ENAH: variants seen among roughly 807,000 people sequenced by gnomAD.
The protein encoded by ENAH is protein enabled homolog.
A neutral mutation model predicts 78.7 loss-of-function variants in ENAH; 23 were observed. The observed-to-expected ratio is 0.29, with a 90% confidence interval of 0.21 to 0.41. The LOEUF is 0.41. Ranked by LOEUF, ENAH falls within the 10% of genes least tolerant of loss-of-function variation. The pLI, the probability that ENAH is intolerant of heterozygous loss-of-function variation, is 1.00. For missense variants in ENAH, 544 were observed against 691.0 expected, an observed-to-expected ratio of 0.79 and a Z score of 2.39; for synonymous variants, 226 against 241.0, an observed-to-expected ratio of 0.94 and a Z score of 0.58.
chr1:225,578,629 T>C (rs556556481), intron 1 of ENAH, among the ~76,000 whole-genome samples: 2 of 152,356 alleles, frequency 1.3e-5, no homozygotes, highest in South Asian at 4.1e-4. Context: ...AGCAATGCTC[T>C]TTCTTGTAAT....
At chr1:225,515,221 T>G (rs1166516363) in intron 6 of ENAH, 2 of 285,618 alleles carry the variant, frequency 7.0e-6, no homozygotes, top group Non-Finnish European at 1.3e-5. Context: ...GGAAGAGAGG[T>G]AAGCGTCCCT....
At position 225,641,758 on chromosome 1, in the gene ENAH, C is replaced by T. The variant is rs568120260; in HGVS notation, c.5+10928G>A. On this transcript the variant is annotated intron_variant, in intron 1 of 13. Coordinates refer to ENST00000366843, the MANE Select transcript of ENAH (RefSeq NM_018212.6). ...AAAAAAAGCTGGACGCCGTGGCTCA[C>T]ACCTGTAATCCCAGCACTTTGGGAG... 3.8e-3 allele frequency among the ~76,000 whole-genome samples: 573 copies of T among 151,674 alleles called. 2 individuals are homozygous for T. The highest frequency in any genetic ancestry group is 6.2e-3 in the Non-Finnish European group (418 of 67,904).
At chr1:225,584,507 A>G (rs1462558534) in intron 1 of ENAH, among the ~76,000 whole-genome samples, 1 of 152,234 alleles carries the variant, frequency 6.6e-6, no homozygotes, top group Non-Finnish European at 1.5e-5. Flanking sequence ...GACTGAAAAC[A>G]GAAGGGACAA....
chr1:225,627,786 T>C (rs1658219387), intron 1 of ENAH, among the ~76,000 whole-genome samples: 2 of 152,182 alleles, frequency 1.3e-5, no homozygotes, highest in African/African-American at 4.8e-5. Context: ...CTACTGAATG[T>C]AACTTTCAGA....
chr1:225,611,777 A>G (rs1008291869), intron 1 of ENAH, among the ~76,000 whole-genome samples: 1 of 152,210 alleles, frequency 6.6e-6, no homozygotes, highest in African/African-American at 2.4e-5. Context: ...ACAGAGTGAG[A>G]AAAAGATAAT....
At chr1:225,631,101 G>A (rs1227124778) in intron 1 of ENAH, among the ~76,000 whole-genome samples, 2 of 152,092 alleles carry the variant, frequency 1.3e-5, no homozygotes, top group African/African-American at 4.8e-5. Flanking sequence ...ACTTCTCTCA[G>A]ATTACAAAAT....
chr1:225,581,098 A>G (rs533812206), intron 1 of ENAH, among the ~76,000 whole-genome samples: 2 of 152,244 alleles, frequency 1.3e-5, no homozygotes, highest in East Asian at 3.9e-4. Flanking sequence ...TCACAGCATG[A>G]GAGTTCACAA....
intron 5 of ENAH, chr1:225,518,042 GA>G: frequency 1.4e-6 from 2 of 1,458,358 alleles, no homozygotes; most frequent in Admixed American, 2.3e-5. Flanking sequence ...AAAGGAGAGA[GA>G]AAAAGGGAGC....
rs916223991 is a variant in ENAH at position 225,490,307 on chromosome 1, T to G, written c.*7468A>C. On this transcript the variant is annotated 3_prime_UTR_variant, in exon 14 of 14. Coordinates refer to ENST00000366843, the MANE Select transcript of ENAH (RefSeq NM_018212.6). ...GACATTTTATGTGAGGATCAAATAT[T>G]CTCCCTTCAAAAACTTCTGCAATTG... 6.6e-6 allele frequency: 1 copy of G among 152,200 alleles called. No homozygotes were observed. Among genetic ancestry groups the G allele is most frequent in the African/African-American group, 2.4e-5 (1 of 41,440 alleles). 9.4% of individuals were successfully genotyped at this position (152,200 alleles called of 1,614,324 possible). A position where few individuals can be genotyped will look rare whatever the true frequency, so the allele number is the denominator to read the frequency against.
intron 1 of ENAH, among the ~76,000 whole-genome samples, chr1:225,596,497 C>G (rs972370740): frequency 7.2e-5 from 11 of 152,232 alleles, no homozygotes; most frequent in Middle Eastern, 3.4e-3. Context: ...CATAGTAAAA[C>G]TAAACAGCTT....
intron 4 of ENAH, among the ~76,000 whole-genome samples, chr1:225,522,357 G>C (rs1453359011): frequency 6.6e-6 from 1 of 152,056 alleles, no homozygotes; most frequent in Non-Finnish European, 1.5e-5. Context: ...ACCCTCTCCT[G>C]GACATACCAT....
intron 1 of ENAH, among the ~76,000 whole-genome samples, chr1:225,572,820 C>G (rs916056100): frequency 5.3e-5 from 8 of 152,172 alleles, no homozygotes; most frequent in African/African-American, 1.9e-4. Context: ...ACAAAAACTT[C>G]ATTTTTATGA....
chr1:225,545,501 C>T (rs2096608826), intron 3 of ENAH, among the ~76,000 whole-genome samples: 1 of 152,022 alleles, frequency 6.6e-6, no homozygotes, highest in South Asian at 2.1e-4. Context: ...TTTAAAACAA[C>T]TAAAAAGCAG....
intron 1 of ENAH, among the ~76,000 whole-genome samples, chr1:225,615,495 T>G (rs1332943860): frequency 1.4e-5 from 2 of 148,120 alleles, no homozygotes; most frequent in Non-Finnish European, 3.0e-5. Context: ...CGTCTCTGCC[T>G]GGCCGCCCAT....
intron 1 of ENAH, among the ~76,000 whole-genome samples, chr1:225,600,305 T>C (rs934362556): frequency 6.6e-6 from 1 of 152,024 alleles, no homozygotes; most frequent in Non-Finnish European, 1.5e-5. Context: ...GAGGTCAAGG[T>C]TGCAGTGAGC....
intron 3 of ENAH, chr1:225,530,990 T>C (rs1161548437): frequency 1.0e-5 from 4 of 401,298 alleles, no homozygotes; most frequent in Middle Eastern, 6.3e-4. Flanking sequence ...TTGGGGTAAT[T>C]ATTCATGAAG....
Position 225,634,275 on chromosome 1 carries a change from C to T in ENAH, c.5+18411G>A, listed in dbSNP as rs558862650. ...GAATGCCACCTCATCTCACTTAAAGCATTTAAGAGTTTAAAATATGTTGAA... is the reference window on the plus strand; with the variant it reads ...GAATGCCACCTCATCTCACTTAAAGTATTTAAGAGTTTAAAATATGTTGAA... On this transcript the variant is annotated intron_variant, in intron 1 of 13. Transcript: ENST00000366843. Among the ~76,000 whole-genome samples, 735 of 152,272 alleles carry T rather than the reference C, an allele frequency of 4.8e-3. 3 individuals are homozygous for T. Among genetic ancestry groups the T allele is most frequent in the Middle Eastern group, 0.014 (4 of 294 alleles).
intron 1 of ENAH, among the ~76,000 whole-genome samples, chr1:225,612,418 T>C (rs71646728): frequency 0.066 from 10,072 of 152,010 alleles, 427 homozygotes; most frequent in Middle Eastern, 0.1. Flanking sequence ...CTGCCAGGGG[T>C]TGATGGGGAA....
At chr1:225,650,466 G>A (rs1476887936) in intron 1 of ENAH, among the ~76,000 whole-genome samples, 4 of 152,198 alleles carry the variant, frequency 2.6e-5, no homozygotes, top group African/African-American at 9.7e-5. Flanking sequence ...ATACATGACA[G>A]TGATTAAACT....
Sources: gnomAD v4.1 joint callset for allele counts (sites outside exome capture counted in the v4.1 genomes callset) on GRCh38, gnomAD v4.1.1 for gene constraint, MANE v1.5 for transcripts, NCBI Gene and HGNC (gene_info 2026-07-23, HGNC 2026-07-21) for gene names.